The following PDE4D variants were observed in gnomAD, a reference collection of about 807,000 sequenced individuals.
The protein encoded by PDE4D is 3',5'-cyclic-AMP phosphodiesterase 4D.
In PDE4D, 24 loss-of-function variants were observed where a neutral mutation model predicts 87.4. The ratio of observed to expected loss-of-function variants is 0.27; its 90% CI spans 0.20 to 0.39. The LOEUF is 0.39. PDE4D is among the 10% of genes least tolerant of loss of function. The pLI is 1.00. For synonymous variants in PDE4D, 384 were observed against 383.2 expected (o/e 1.00, Z -0.02); for missense variants, 714 against 1,041.0 (o/e 0.69, Z 4.32).
intron 3 of PDE4D, among the ~76,000 whole-genome samples, chr5:59,921,254 A>C (rs1019959732): frequency 1.3e-5 from 2 of 152,206 alleles, no homozygotes; most frequent in Non-Finnish European, 1.5e-5. Flanking sequence ...GTTCAAAATA[A>C]TTTAGGCAAA....
At chr5:60,412,251 G>A (rs533843815) in intron 1 of PDE4D, among the ~76,000 whole-genome samples, 2 of 152,170 alleles carry the variant, frequency 1.3e-5, no homozygotes, top group East Asian at 3.9e-4. Context: ...AAGAAATTAG[G>A]GGAAAAAACA....
At chr5:59,295,077 T>C (rs1019842067) in intron 1 of PDE4D, among the ~76,000 whole-genome samples, 1 of 152,142 alleles carries the variant, frequency 6.6e-6, no homozygotes, top group Admixed American at 6.6e-5. Flanking sequence ...AAATTAACAT[T>C]ATACCTCCCC....
chr5:59,221,064 T>G lies in PDE4D; in HGVS notation c.456-5096A>C, dbSNP rs150935304. ...TAATCCTCACAATAACACTTTGAAG[T>G]AGGCACTGTATTTTCCATTCGACCA... On this transcript the variant is annotated intron_variant, in intron 1 of 14. Transcript: ENST00000340635. 1.6e-4 allele frequency among the ~76,000 whole-genome samples: 24 copies of G among 152,254 alleles called. 1 individual carries two copies. The East Asian group carries it at 4.6e-3, about 29-fold the overall frequency.
chr5:60,381,264 G>A (rs1184488345), intron 1 of PDE4D, among the ~76,000 whole-genome samples: 1 of 152,136 alleles, frequency 6.6e-6, no homozygotes, highest in East Asian at 1.9e-4. Flanking sequence ...AAACATCAAA[G>A]CTCAAGTGTT....
At chr5:60,374,809 A>G (rs911651370) in intron 1 of PDE4D, among the ~76,000 whole-genome samples, 2 of 152,206 alleles carry the variant, frequency 1.3e-5, no homozygotes, top group Admixed American at 1.3e-4. Context: ...CTACTTCATA[A>G]TTTTAAGTAA....
chr5:60,454,872 C>T (rs563207630), intron 1 of PDE4D, among the ~76,000 whole-genome samples: 6 of 151,602 alleles, frequency 4.0e-5, no homozygotes, highest in South Asian at 2.1e-4. Context: ...AAAGACGAAG[C>T]GGCACATACA....
intron 1 of PDE4D, among the ~76,000 whole-genome samples, chr5:59,720,520 C>G (rs565257282): frequency 3.8e-4 from 58 of 152,148 alleles, no homozygotes; most frequent in African/African-American, 1.3e-3. Context: ...AAACAAGGAC[C>G]CCTCAGGTAA....
chr5:58,991,707 TCA>T, intron 8 of PDE4D, 123 bp downstream of exon 8: 1 of 533,298 alleles, frequency 1.9e-6, no homozygotes, highest in Non-Finnish European at 2.7e-6. Context: ...CTTCCCATCT[TCA>T]AAAAAAGAAA....
chr5:60,006,990 T>C (rs565416003), intron 2 of PDE4D, among the ~76,000 whole-genome samples: 14 of 151,970 alleles, frequency 9.2e-5, no homozygotes, highest in Non-Finnish European at 1.9e-4. Flanking sequence ...CTTTAGACTT[T>C]TTATTTTCCC....
At chr5:60,087,495 C>T (rs1582587251) in intron 2 of PDE4D, among the ~76,000 whole-genome samples, 1 of 152,062 alleles carries the variant, frequency 6.6e-6, no homozygotes, top group East Asian at 1.9e-4. Context: ...CAATAAAACA[C>T]AGATTGAAAT....
intron 1 of PDE4D, among the ~76,000 whole-genome samples, chr5:59,549,990 C>T (rs770585660): frequency 1.3e-5 from 2 of 151,472 alleles, no homozygotes; most frequent in African/African-American, 2.4e-5. Context: ...GATGAAGAAA[C>T]GAAGTGTCAC....
chr5:59,395,434 C>A (rs556083726), intron 1 of PDE4D, among the ~76,000 whole-genome samples: 325 of 152,314 alleles, frequency 2.1e-3, no homozygotes, highest in African/African-American at 7.5e-3. Context: ...GACCCCTGAC[C>A]CCCGAGCAGC....
chr5:58,995,506 AT>A (rs1749022458), intron 6 of PDE4D, among the ~76,000 whole-genome samples: 1 of 152,162 alleles, frequency 6.6e-6, no homozygotes, highest in Non-Finnish European at 1.5e-5. Flanking sequence ...ACAAAGTTAT[AT>A]TTTCTTGAGT....
intron 1 of PDE4D, among the ~76,000 whole-genome samples, chr5:60,330,214 T>C (rs191952929): frequency 4.0e-4 from 61 of 152,366 alleles, no homozygotes; most frequent in Middle Eastern, 6.8e-3. Context: ...TCAATTATGA[T>C]GGCAGTCCAT....
At chr5:60,172,791 T>C (rs1456933888) in intron 2 of PDE4D, among the ~76,000 whole-genome samples, 4 of 152,124 alleles carry the variant, frequency 2.6e-5, no homozygotes, top group Non-Finnish European at 5.9e-5. Flanking sequence ...AACTTTCTTA[T>C]ATCTATTCAC....
chr5:60,045,102 T>C (rs1427888965), intron 2 of PDE4D, among the ~76,000 whole-genome samples: 4 of 152,198 alleles, frequency 2.6e-5, no homozygotes, highest in Non-Finnish European at 4.4e-5. Flanking sequence ...GATTTGCATT[T>C]CTCTGATGGC....
chr5:59,660,960 A>G (rs1022432100), intron 1 of PDE4D, among the ~76,000 whole-genome samples: 6 of 150,874 alleles, frequency 4.0e-5, no homozygotes, highest in Non-Finnish European at 7.4e-5. Context: ...AGTAACCCCT[A>G]CTGGCCAGTC....
At chr5:59,477,373 A>AAAAAAAAAAT (rs1554190139) in intron 1 of PDE4D, among the ~76,000 whole-genome samples, 1 of 143,056 alleles carries the variant, frequency 7.0e-6, no homozygotes, top group African/African-American at 2.6e-5. Flanking sequence ...AAAAAAAAAA[A>AAAAAAAAAAT]ATTAAAGAAT....
intron 1 of PDE4D, among the ~76,000 whole-genome samples, chr5:59,433,549 A>T (rs1391828973): frequency 3.9e-5 from 6 of 152,048 alleles, no homozygotes; most frequent in Non-Finnish European, 8.8e-5. Context: ...GATCTTTAGG[A>T]AAATAAGAAC....
Sources: gnomAD v4.1 joint callset for allele counts (sites outside exome capture counted in the v4.1 genomes callset) on GRCh38, gnomAD v4.1.1 for gene constraint, MANE v1.5 for transcripts, NCBI Gene and HGNC (gene_info 2026-07-23, HGNC 2026-07-21) for gene names.